Variants in CRACR2A observed in about 807,000 individuals in gnomAD.
CRACR2A encodes EF-hand calcium-binding domain-containing protein 4B.
CRACR2A carries 79 observed loss-of-function variants against 90.5 expected under a neutral mutation model. The ratio of observed to expected loss-of-function variants is 0.87; its 90% confidence interval spans 0.73 to 1.05. The LOEUF (loss-of-function observed/expected upper bound fraction) is 1.05. Among genes scored for constraint, CRACR2A ranks in the 50% least tolerant of loss-of-function variants. CRACR2A has a pLI of 0.00. For missense variants in CRACR2A, 823 were observed against 897.2 expected (o/e 0.92, Z 1.06); for synonymous variants, 338 against 356.7 (o/e 0.95, Z 0.59).
In CRACR2A at chr12:3,679,068, C is replaced by T. The variant is rs1156777314; in HGVS notation, c.371G>A (p.Ser124Asn). 3.1e-6 allele frequency: 5 copies of T among 1,613,168 alleles called. No homozygotes were observed. In the African/African-American group the frequency reaches 4.0e-5, roughly 13 times the overall value. ...SHFFFSQNNP[S>N]QEDAGEQVAQ... Reference sequence around the variant, plus strand: ...CACCTGTTCACCTGCATCTTCCTGACTTGGGTTATTCTGGCTGAAGAAGAA... The same window carrying T: ...CACCTGTTCACCTGCATCTTCCTGATTTGGGTTATTCTGGCTGAAGAAGAA... Residue 124 changes from serine (S) to asparagine (N), a missense_variant, in exon 6 of 20, where the codon AGT (serine) becomes AAT (asparagine). By Grantham distance (46) the Ser-to-Asn change is conservative. Coordinates refer to ENST00000440314, the MANE Select transcript of CRACR2A (RefSeq NM_001144958.2).
At chr12:3,617,418 A>G (rs1867710696) in intron 18 of CRACR2A, among the ~76,000 whole-genome samples, 1 of 152,192 alleles carries the variant, frequency 6.6e-6, no homozygotes, top group South Asian at 2.1e-4. Context: ...CAGGCAGATA[A>G]GCTGTAGTGA....
intron 10 of CRACR2A, among the ~76,000 whole-genome samples, chr12:3,649,091 A>G (rs1944746645): frequency 6.6e-6 from 1 of 151,908 alleles, no homozygotes; most frequent in Non-Finnish European, 1.5e-5. Flanking sequence ...GGGGTGGGGG[A>G]AGGGGGGAGG....
intron 5 of CRACR2A, 97 bp downstream of exon 5, chr12:3,680,141 C>G: frequency 1.0e-6 from 1 of 968,610 alleles, no homozygotes; most frequent in Non-Finnish European, 1.6e-6. Flanking sequence ...GAAAGCTTTA[C>G]TACCTGCCCC....
chr12:3,655,662 C>T (rs959101135), intron 9 of CRACR2A, among the ~76,000 whole-genome samples: 20 of 152,178 alleles, frequency 1.3e-4, no homozygotes, highest in African/African-American at 2.7e-4. Flanking sequence ...TTTCTGGGGT[C>T]GTTAGCCAGG....
chr12:3,708,303 T>C (rs1945958536), intron 3 of CRACR2A, among the ~76,000 whole-genome samples: 2 of 152,252 alleles, frequency 1.3e-5, no homozygotes, highest in Admixed American at 6.5e-5. Flanking sequence ...ATTTACACTT[T>C]AGAACACTTT....
intron 2 of CRACR2A, among the ~76,000 whole-genome samples, chr12:3,720,192 G>GGGGA (rs1209999797): frequency 9.3e-6 from 1 of 107,532 alleles, no homozygotes; most frequent in Non-Finnish European, 1.9e-5. Flanking sequence ...CGGGAGGGAG[G>GGGGA]GGGAGGGAGG....
chr12:3,666,385 G>GTTTT (rs1945151686), intron 7 of CRACR2A, among the ~76,000 whole-genome samples: 1 of 151,890 alleles, frequency 6.6e-6, no homozygotes, highest in Admixed American at 6.6e-5. Context: ...GCGCACGCGC[G>GTTTT]CACACGCTCA....
chr12:3,663,313 CCTG>C, intron 7 of CRACR2A, among the ~76,000 whole-genome samples: 1 of 152,058 alleles, frequency 6.6e-6, no homozygotes, highest in East Asian at 1.9e-4. Context: ...GATCTAACTA[CCTG>C]TTTTTCCAGT....
At chr12:3,727,238 T>C (rs1314256984) in intron 2 of CRACR2A, 1 of 151,560 alleles carries the variant, frequency 6.6e-6, no homozygotes, top group East Asian at 1.9e-4. Context: ...GGAAAAGTTG[T>C]TGGGTAAATC....
At chr12:3,725,519 T>C (rs1946249280) in intron 2 of CRACR2A, among the ~76,000 whole-genome samples, 1 of 152,154 alleles carries the variant, frequency 6.6e-6, no homozygotes, top group African/African-American at 2.4e-5. Context: ...CCCAGGATGA[T>C]CTCATCTAAA....
chr12:3,624,714 G>A (rs1944222859), intron 17 of CRACR2A, among the ~76,000 whole-genome samples: 1 of 152,216 alleles, frequency 6.6e-6, no homozygotes, highest in Non-Finnish European at 1.5e-5. Context: ...ATGACTTAGA[G>A]CTCTTCTACT....
intron 11 of CRACR2A, among the ~76,000 whole-genome samples, chr12:3,646,194 C>T (rs541839260): frequency 1.3e-5 from 2 of 152,330 alleles, no homozygotes; most frequent in South Asian, 2.1e-4. Context: ...TGGGTCGCAG[C>T]GCGACTGCAG....
intron 7 of CRACR2A, among the ~76,000 whole-genome samples, chr12:3,665,717 T>C (rs544919360): frequency 2.2e-4 from 34 of 152,206 alleles, no homozygotes; most frequent in Middle Eastern, 3.4e-3. Context: ...AAGAAATGTG[T>C]GCAGGAATGG....
intron 7 of CRACR2A, among the ~76,000 whole-genome samples, chr12:3,667,372 C>G (rs368276506): frequency 6.6e-6 from 1 of 152,160 alleles, no homozygotes; most frequent in East Asian, 1.9e-4. Context: ...CCAAATTACA[C>G]CTGGAATCTG....
chr12:3,749,365 C>T (rs145907720), intron 1 of CRACR2A, among the ~76,000 whole-genome samples: 67 of 152,310 alleles, frequency 4.4e-4, no homozygotes, highest in East Asian at 1.7e-3. Flanking sequence ...TTCTTCATGT[C>T]CACCTGGTTA....
At chr12:3,732,443 A>C (rs535414325) in intron 2 of CRACR2A, 1 of 152,204 alleles carries the variant, frequency 6.6e-6, no homozygotes, top group African/African-American at 2.4e-5. Context: ...TCAACCTTCT[A>C]CTGCATCTCA....
intron 2 of CRACR2A, among the ~76,000 whole-genome samples, chr12:3,717,385 C>T (rs187838068): frequency 4.6e-5 from 7 of 152,276 alleles, no homozygotes; most frequent in South Asian, 2.1e-4. Flanking sequence ...CTGGGCAAGC[C>T]GGCAAATGCT....
intron 1 of CRACR2A, among the ~76,000 whole-genome samples, chr12:3,743,165 A>AT (rs1946555043): frequency 2.0e-5 from 3 of 152,172 alleles, no homozygotes; most frequent in African/African-American, 7.2e-5. Context: ...GGGCTTGTAC[A>AT]TTTTTTAAAA....
At chr12:3,664,446 A>C (rs1257308996) in intron 7 of CRACR2A, among the ~76,000 whole-genome samples, 1 of 151,736 alleles carries the variant, frequency 6.6e-6, no homozygotes. Context: ...TTTTTTATTA[A>C]GTTTTCTTTA....
Sources: gnomAD v4.1 joint callset for allele counts (sites outside exome capture counted in the v4.1 genomes callset) on GRCh38, gnomAD v4.1.1 for gene constraint, MANE v1.5 for transcripts, NCBI Gene and HGNC (gene_info 2026-07-23, HGNC 2026-07-21) for gene names.